The following RABGAP1L variants were observed in gnomAD, a reference collection of about 807,000 sequenced individuals.
The protein encoded by RABGAP1L is RAB GTPase activating protein 1 like, also known as rab GTPase-activating protein 1-like.
In RABGAP1L, 63 loss-of-function variants were observed where a neutral mutation model predicts 137.7. The observed-to-expected ratio is 0.46, with a 90% CI of 0.37 to 0.56. The LOEUF is 0.56. RABGAP1L is among the 20% of genes least tolerant of loss of function. The pLI, the probability that RABGAP1L is intolerant of heterozygous loss-of-function variation, is 0.00. For missense variants in RABGAP1L, 1,095 were observed against 1,244.0 expected (o/e 0.88, Z 1.80); for synonymous variants, 431 against 433.7 (o/e 0.99, Z 0.08).
intron 13 of RABGAP1L, among the ~76,000 whole-genome samples, chr1:174,553,506 G>T (rs189535178): frequency 1.1e-3 from 175 of 152,204 alleles, no homozygotes; most frequent in African/African-American, 4.1e-3. Flanking sequence ...CATTTTAGGA[G>T]AAATTAACTT....
At chr1:174,407,440 T>C (rs1649404509) in intron 13 of RABGAP1L, among the ~76,000 whole-genome samples, 1 of 152,036 alleles carries the variant, frequency 6.6e-6, no homozygotes, top group Non-Finnish European at 1.5e-5. Flanking sequence ...AGTTGAAAAA[T>C]TGTGTATAAC....
In RABGAP1L at chr1:174,527,557, A is replaced by G. The variant is rs12041564; in HGVS notation, c.1711-109818A>G. ...TGAGACTTGTTTTGTGCCCTAACCT[A>G]TGGCCCATCATGGATAATGTTCCAT... On this transcript the variant is annotated intron_variant, in intron 13 of 25. Transcript: ENST00000681986. Among the ~76,000 whole-genome samples the G allele has an allele frequency of 5.5e-4, 84 of 152,246 alleles. No individual in the cohort carries two copies. The East Asian group carries it at 0.015, about 28-fold the overall frequency.
chr1:174,804,918 CT>C (rs1291697221), intron 18 of RABGAP1L, among the ~76,000 whole-genome samples: 1 of 152,140 alleles, frequency 6.6e-6, no homozygotes, highest in African/African-American at 2.4e-5. Context: ...TATGTCTTCC[CT>C]TTTTACCTCT....
chr1:174,176,715 A>G (rs1341248390), intron 1 of RABGAP1L, among the ~76,000 whole-genome samples: 1 of 88,694 alleles, frequency 1.1e-5, no homozygotes, highest in African/African-American at 5.7e-5. Context: ...CTTTTTCAGA[A>G]AAAAAAAAAA....
chr1:174,383,102 G>GGGGGTCA (rs1212737921), intron 12 of RABGAP1L, among the ~76,000 whole-genome samples: 1 of 149,780 alleles, frequency 6.7e-6, no homozygotes, highest in Non-Finnish European at 1.5e-5. Context: ...TAGGCTGCTC[G>GGGGGTCA]GGGGTCAGGG....
At chr1:174,967,862 T>C (rs1173583304) in intron 20 of RABGAP1L, among the ~76,000 whole-genome samples, 3 of 152,078 alleles carry the variant, frequency 2.0e-5, no homozygotes, top group Non-Finnish European at 2.9e-5. Flanking sequence ...GGGATTGTTT[T>C]TATCTTTTTT....
At chr1:174,349,049 G>A (rs1288939908) in intron 11 of RABGAP1L, among the ~76,000 whole-genome samples, 14 of 147,578 alleles carry the variant, frequency 9.5e-5, no homozygotes, top group Non-Finnish European at 7.6e-5. Context: ...CCGGGCGGGG[G>A]GGGGGCTGAC....
chr1:174,531,742 T>G (rs1358679640), intron 13 of RABGAP1L, among the ~76,000 whole-genome samples: 3 of 97,606 alleles, frequency 3.1e-5, no homozygotes, highest in Admixed American at 2.7e-4. Flanking sequence ...AGATACTGTC[T>G]CGGGGGTGGG....
At chr1:174,387,052 G>A (rs562429846) in intron 12 of RABGAP1L, among the ~76,000 whole-genome samples, 1 of 152,196 alleles carries the variant, frequency 6.6e-6, no homozygotes, top group African/African-American at 2.4e-5. Flanking sequence ...AAATTTATGA[G>A]GCATCATCTT....
In RABGAP1L at chr1:174,221,698, A is replaced by T. The variant is rs187328472; in HGVS notation, c.331+534A>T. The stretch of plus-strand genomic sequence containing the variant: ...AACCAGCTCCAACTTCAGCTGGCTT[A>T]AACACCACAGGTATAATTTGATCTA... On this transcript the variant is annotated intron_variant, in intron 3 of 25. Coordinates refer to ENST00000681986, the MANE Select transcript of RABGAP1L (RefSeq NM_001366446.1). 4.3e-4 allele frequency among the ~76,000 whole-genome samples: 66 copies of T among 152,314 alleles called. 1 individual carries two copies. In the South Asian group the frequency reaches 9.9e-3, roughly 23 times the overall value.
At chr1:174,457,348 T>A (rs1474769711) in intron 13 of RABGAP1L, among the ~76,000 whole-genome samples, 1 of 152,178 alleles carries the variant, frequency 6.6e-6, no homozygotes, top group Non-Finnish European at 1.5e-5. Flanking sequence ...GTGGATTATA[T>A]CTGATTAGAG....
At chr1:174,301,198 T>G (rs1466748290) in intron 10 of RABGAP1L, among the ~76,000 whole-genome samples, 1 of 151,868 alleles carries the variant, frequency 6.6e-6, no homozygotes, top group African/African-American at 2.4e-5. Context: ...TGTGCAGTGC[T>G]TGTTGCTGGA....
chr1:174,544,472 C>T (rs1665810223), intron 13 of RABGAP1L, among the ~76,000 whole-genome samples: 1 of 152,138 alleles, frequency 6.6e-6, no homozygotes, highest in African/African-American at 2.4e-5. Flanking sequence ...CTTGTCTATG[C>T]TCTTTATTCT....
At chr1:174,528,284 C>G (rs1424766918) in intron 13 of RABGAP1L, among the ~76,000 whole-genome samples, 2 of 151,948 alleles carry the variant, frequency 1.3e-5, no homozygotes, top group Non-Finnish European at 2.9e-5. Flanking sequence ...CCTTTCTCCT[C>G]CTCATTTGTG....
intron 1 of RABGAP1L, among the ~76,000 whole-genome samples, chr1:174,170,209 C>T (rs1175736248): frequency 6.6e-6 from 1 of 152,136 alleles, no homozygotes; most frequent in East Asian, 1.9e-4. Flanking sequence ...CTTCTTTCTC[C>T]TCTTTGCACA....
intron 19 of RABGAP1L, among the ~76,000 whole-genome samples, chr1:174,930,330 CT>C (rs893570655): frequency 2.6e-3 from 368 of 139,180 alleles, no homozygotes; most frequent in Admixed American, 2.2e-3. Context: ...GATCAAACTT[CT>C]TTTTTTTTTT....
At chr1:174,617,603 G>C (rs1240686293) in intron 13 of RABGAP1L, among the ~76,000 whole-genome samples, 1 of 152,196 alleles carries the variant, frequency 6.6e-6, no homozygotes, top group Non-Finnish European at 1.5e-5. Context: ...GAAATGTGCT[G>C]TTATAAAAGG....
intron 14 of RABGAP1L, among the ~76,000 whole-genome samples, chr1:174,637,817 C>T (rs1393482662): frequency 6.6e-6 from 1 of 152,204 alleles, no homozygotes; most frequent in Non-Finnish European, 1.5e-5. Flanking sequence ...GATCATGCAG[C>T]AATTGTCTCC....
chr1:174,705,491 T>G (rs1347654343), intron 17 of RABGAP1L: 1 of 152,208 alleles, frequency 6.6e-6, no homozygotes, highest in Non-Finnish European at 1.5e-5. Context: ...ATCATAGATA[T>G]TACCTTTCCT....
Sources: allele counts gnomAD v4.1 joint callset (sites outside exome capture counted in the v4.1 genomes callset), GRCh38; gene constraint gnomAD v4.1.1; transcripts MANE v1.5; gene names NCBI Gene and HGNC (gene_info 2026-07-23, HGNC 2026-07-21).